Variants in KLHL23 observed in about 807,000 individuals in gnomAD.
KLHL23 encodes kelch like family member 23.
Under a neutral mutation model 48.9 loss-of-function variants are expected in KLHL23, and 33 were observed. The observed-to-expected ratio is 0.67, with a 90% CI of 0.51 to 0.90. The LOEUF is 0.90. KLHL23 is among the 40% of genes least tolerant of loss of function. The pLI, the probability that KLHL23 is intolerant of heterozygous loss-of-function variation, is 0.00. For missense variants in KLHL23, 608 were observed against 669.6 expected (o/e 0.91, Z 1.02); for synonymous variants, 234 against 231.6 (o/e 1.01, Z -0.09).
intron 2 of KLHL23, 177 bp from the exon 3 acceptor site, chr2:169,741,208 C>T (rs1259008900): frequency 2.9e-6 from 2 of 685,834 alleles, no homozygotes; most frequent in Admixed American, 3.2e-5. Flanking sequence ...ACGTCTCACC[C>T]TCTCTTAAGA....
intron 3 of KLHL23, among the ~76,000 whole-genome samples, chr2:169,748,652 C>A (rs1408259510): frequency 6.4e-5 from 4 of 62,482 alleles, no homozygotes; most frequent in Non-Finnish European, 1.4e-4. Flanking sequence ...CTTGTCACAG[C>A]CCTGGGAAGA....
In KLHL23 at chr2:169,750,034, T is replaced by TATACATACATAC. The variant is rs1688922046; in HGVS notation, c.*302_*303insATACATACATAC. On this transcript the variant is annotated 3_prime_UTR_variant, in exon 4 of 4. Coordinates refer to ENST00000392647, the MANE Select transcript of KLHL23 (RefSeq NM_144711.6). ...ATATACGTATGTATGTATACATATG[T>TATACATACATAC]GTATATATAGTATGTATGTATACAT... 2.8e-5 allele frequency: 1 copy of TATACATACATAC among 35,572 alleles called. No homozygotes were observed. The highest frequency in any genetic ancestry group is 3.4e-4 in the Admixed American group (1 of 2,944). 2.2% of individuals were successfully genotyped at this position (35,572 alleles called of 1,614,324 possible).
intron 3 of KLHL23, among the ~76,000 whole-genome samples, chr2:169,746,912 A>T (rs1249495423): frequency 6.6e-6 from 1 of 152,240 alleles, no homozygotes; most frequent in African/African-American, 2.4e-5. Context: ...TGATATAAGC[A>T]GTGTTTCACA....
chr2:169,750,331 G>A lies in KLHL23; in HGVS notation c.*599G>A, dbSNP rs1472616764. ...CTGTGGAATGAAATGTTTCTCAAGAGCCTATAATATAGTAGATAGTGCATA... is the reference window on the plus strand; with the variant it reads ...CTGTGGAATGAAATGTTTCTCAAGAACCTATAATATAGTAGATAGTGCATA... On this transcript the variant is annotated 3_prime_UTR_variant, in exon 4 of 4. Coordinates refer to ENST00000392647, the MANE Select transcript of KLHL23 (RefSeq NM_144711.6). The A allele has an allele frequency of 1.3e-5, 2 of 152,212 alleles. No homozygotes were observed. The highest frequency in any genetic ancestry group is 2.9e-5 in the Non-Finnish European group (2 of 68,016). The allele number at this position is 152,212 out of a possible 1,614,324, so 9.4% of individuals were successfully genotyped here.
chr2:169,736,495 C>G (rs1044714181), intron 2 of KLHL23, among the ~76,000 whole-genome samples: 1 of 152,094 alleles, frequency 6.6e-6, no homozygotes, highest in Non-Finnish European at 1.5e-5. Context: ...TAAAATTGAA[C>G]CCTTTAAAAT....
At chr2:169,734,865 A>T in intron 1 of KLHL23, 148 bp from the exon 2 acceptor site, 1 of 1,069,234 alleles carries the variant, frequency 9.4e-7, no homozygotes, top group Non-Finnish European at 1.3e-6. Flanking sequence ...ATGATCAAAC[A>T]GTCCATCCAC....
At chr2:169,749,336 A>G (rs1688882898) in intron 3 of KLHL23, 86 bp from the exon 4 acceptor site, 1 of 1,363,524 alleles carries the variant, frequency 7.3e-7, no homozygotes, top group African/African-American at 1.5e-5. Flanking sequence ...CTAAATTTTA[A>G]AGGATTATTA....
intron 2 of KLHL23, among the ~76,000 whole-genome samples, chr2:169,739,822 C>T (rs1402229372): frequency 6.6e-6 from 1 of 152,198 alleles, no homozygotes; most frequent in Non-Finnish European, 1.5e-5. Flanking sequence ...ACTAATTCTA[C>T]AGCCTAATAC....
In KLHL23 at chr2:169,750,146, G is replaced by GTATATATA. The variant is rs1435290107; in HGVS notation, c.*415_*416insATATATAT. ...TATATACACATATATACGTATATAT[G>GTATATATA]TGTATATATATACACAGTTGAATCA... On this transcript the variant is annotated 3_prime_UTR_variant, in exon 4 of 4. Transcript: ENST00000392647. 1 of 96,812 alleles carries GTATATATA rather than the reference G, an allele frequency of 1.0e-5. No homozygotes were observed. 6.0% of individuals were successfully genotyped at this position (96,812 alleles called of 1,614,324 possible). A position where few individuals can be genotyped will look rare whatever the true frequency, so the allele number is the denominator to read the frequency against.
chr2:169,745,061 C>G (rs1046814026), intron 3 of KLHL23, among the ~76,000 whole-genome samples: 1 of 151,604 alleles, frequency 6.6e-6, no homozygotes, highest in Non-Finnish European at 1.5e-5. Context: ...TACAGGCATG[C>G]ACCACCACGC....
chr2:169,734,504 C>T (rs923986188), intron 1 of KLHL23, among the ~76,000 whole-genome samples: 4 of 152,118 alleles, frequency 2.6e-5, no homozygotes, highest in African/African-American at 9.6e-5. Context: ...GCCTTCCTTT[C>T]TCTCCTTCCT....
At chr2:169,745,673 G>T (rs1688781227) in intron 3 of KLHL23, among the ~76,000 whole-genome samples, 1 of 152,144 alleles carries the variant, frequency 6.6e-6, no homozygotes, top group African/African-American at 2.4e-5. Context: ...CCGATGTGAG[G>T]AATGTCATAG....
At position 169,736,131 on chromosome 2, in the gene KLHL23, G is replaced by A. The variant is rs947795442; in HGVS notation, c.1117G>A (p.Ala373Thr). 7 of 1,614,096 alleles carry A rather than the reference G, an allele frequency of 4.3e-6. No individual in the cohort carries two copies. Among genetic ancestry groups the A allele is most frequent in the Non-Finnish European group, 5.1e-6 (6 of 1,180,040 alleles). ...AGTCACCTTGGGTGGCTGTGTCTATGCTTTAGGTGGTTACAGAAAAGGGGC... is the reference window on the plus strand; with the variant it reads ...AGTCACCTTGGGTGGCTGTGTCTATACTTTAGGTGGTTACAGAAAAGGGGC... Reference protein sequence around the residue: ...CAVTLGGCVYALGGYRKGAPA... With the variant: ...CAVTLGGCVYTLGGYRKGAPA... The change falls in exon 2 of 4, where the codon GCT becomes ACT. Residue 373 changes from alanine (A) to threonine (T), a missense_variant. Ala to Thr is a moderately conservative substitution (Grantham distance 58). Coordinates refer to ENST00000392647, the MANE Select transcript of KLHL23 (RefSeq NM_144711.6).
chr2:169,741,194 G>C, intron 2 of KLHL23, 191 bp from the exon 3 acceptor site: 1 of 566,198 alleles, frequency 1.8e-6, no homozygotes. Flanking sequence ...CTGTGTTTGT[G>C]TGCACGTCTC....
chr2:169,734,033 C>T lies in KLHL23; in HGVS notation c.-57C>T, dbSNP rs1211480074. 6.6e-6 allele frequency: 1 copy of T among 151,714 alleles called. No homozygotes were observed. 9.4% of individuals were successfully genotyped at this position (151,714 alleles called of 1,614,324 possible). A position where few individuals can be genotyped will look rare whatever the true frequency, so the allele number is the denominator to read the frequency against. On this transcript the variant is annotated 5_prime_UTR_variant, in exon 1 of 4. Transcript: ENST00000392647. The stretch of plus-strand genomic sequence containing the variant: ...GTCAGAGGGGCCGGAGGCGTCCCCG[C>T]TCCCGCTCGCTACTAGCCCGCGGGC...
intron 3 of KLHL23, among the ~76,000 whole-genome samples, chr2:169,746,162 A>G (rs1688790705): frequency 6.6e-6 from 1 of 152,310 alleles, no homozygotes; most frequent in East Asian, 1.9e-4. Flanking sequence ...TGAAGTGGGG[A>G]GAGAACTTTC....
chr2:169,748,919 T>C (rs1320541262), intron 3 of KLHL23, among the ~76,000 whole-genome samples: 1 of 151,934 alleles, frequency 6.6e-6, no homozygotes, highest in Non-Finnish European at 1.5e-5. Flanking sequence ...GCTTCTTGAG[T>C]TCATAACTGG....
chr2:169,749,413 T>G lies in KLHL23; in HGVS notation c.1367-9T>G, dbSNP rs1688885950. 1 of 1,567,410 alleles carries G rather than the reference T, an allele frequency of 6.4e-7. No individual in the cohort carries two copies. The highest frequency in any genetic ancestry group is 1.4e-5 in the African/African-American group (1 of 72,800). On this transcript the variant is annotated splice_polypyrimidine_tract_variant and intron_variant, in intron 3 of 3. Transcript: ENST00000392647. ...AAAAAATGCTGTTTTCTTTTTTTCT[T>G]TTTAAAAGAATATGGATTGTGCTCA...
chr2:169,738,759 C>A (rs1476023472), intron 2 of KLHL23, among the ~76,000 whole-genome samples: 3 of 150,934 alleles, frequency 2.0e-5, no homozygotes, highest in Non-Finnish European at 4.4e-5. Flanking sequence ...AAGACAAAAC[C>A]AACGTTTTCA....
Sources: allele counts gnomAD v4.1 joint callset (sites outside exome capture counted in the v4.1 genomes callset), GRCh38; gene constraint gnomAD v4.1.1; transcripts MANE v1.5; gene names NCBI Gene and HGNC (gene_info 2026-07-23, HGNC 2026-07-21).